ZNRF3: variants seen among roughly 807,000 people sequenced by gnomAD.
ZNRF3 encodes zinc and ring finger 3.
ZNRF3 carries 23 observed loss-of-function variants against 72.5 expected under a neutral mutation model. The ratio of observed to expected loss-of-function variants is 0.32; its 90% CI spans 0.23 to 0.45. The LOEUF is 0.45. Among genes scored for constraint, ZNRF3 ranks in the 20% least tolerant of loss-of-function variants. The pLI, the probability that ZNRF3 is intolerant of heterozygous loss-of-function variation, is 1.00. For missense variants in ZNRF3, 1,169 were observed against 1,272.1 expected (o/e 0.92, Z 1.23); for synonymous variants, 610 against 545.3 (o/e 1.12, Z -1.65).
At chr22:28,991,190 G>A (rs1247522598) in intron 2 of ZNRF3, among the ~76,000 whole-genome samples, 1 of 150,828 alleles carries the variant, frequency 6.6e-6, no homozygotes, top group African/African-American at 2.5e-5. Flanking sequence ...GCTGAGGTGG[G>A]AGGATTGCTT....
intron 1 of ZNRF3, among the ~76,000 whole-genome samples, chr22:28,947,868 T>G (rs2035081340): frequency 6.6e-6 from 1 of 152,158 alleles, no homozygotes; most frequent in Non-Finnish European, 1.5e-5. Flanking sequence ...TTTTTTGAGA[T>G]GGAGTATTGC....
intron 1 of ZNRF3, among the ~76,000 whole-genome samples, chr22:28,913,621 T>A (rs1205426660): frequency 6.6e-6 from 1 of 152,188 alleles, no homozygotes; most frequent in Non-Finnish European, 1.5e-5. Context: ...CTTAGATTTG[T>A]GGTCTTCTCT....
At chr22:28,955,032 G>T (rs1601598726) in intron 1 of ZNRF3, among the ~76,000 whole-genome samples, 6 of 137,170 alleles carry the variant, frequency 4.4e-5, no homozygotes, top group Non-Finnish European at 6.1e-5. Flanking sequence ...TATTTTTGGT[G>T]TTTTTTTTTT....
At chr22:28,972,472 C>G (rs530502405) in intron 1 of ZNRF3, among the ~76,000 whole-genome samples, 173 of 152,300 alleles carry the variant, frequency 1.1e-3, no homozygotes, top group African/African-American at 3.9e-3. Flanking sequence ...AATAATATTC[C>G]GTGGTGTGGG....
At chr22:28,987,592 G>T (rs1400922964) in intron 2 of ZNRF3, among the ~76,000 whole-genome samples, 1 of 151,970 alleles carries the variant, frequency 6.6e-6, no homozygotes, top group Non-Finnish European at 1.5e-5. Context: ...GCATTAAGGG[G>T]TATAGATTTT....
chr22:29,031,661 C>G (rs958827413), intron 2 of ZNRF3: 12 of 982,870 alleles, frequency 1.2e-5, no homozygotes, highest in Non-Finnish European at 1.4e-5. Flanking sequence ...TTAGTGGCCT[C>G]CAGAGGGAGG....
At chr22:28,899,693 CTTTT>C (rs1299023459) in intron 1 of ZNRF3, among the ~76,000 whole-genome samples, 4 of 132,764 alleles carry the variant, frequency 3.0e-5, no homozygotes, top group Non-Finnish European at 6.2e-5. Flanking sequence ...TTCTTTCTTT[CTTTT>C]TTTTTTTTTT....
chr22:29,021,233 AAAAAAAAT>A (rs1403333941), intron 2 of ZNRF3, among the ~76,000 whole-genome samples: 2 of 151,444 alleles, frequency 1.3e-5, no homozygotes, highest in African/African-American at 2.4e-5. Context: ...ACTCTGTCTC[AAAAAAAAT>A]AAATAAATAA....
intron 4 of ZNRF3, among the ~76,000 whole-genome samples, chr22:29,044,461 T>C (rs765287973): frequency 3.3e-5 from 5 of 152,248 alleles, no homozygotes; most frequent in African/African-American, 4.8e-5. Flanking sequence ...TGATTATTTG[T>C]GTTGATTTGG....
intron 1 of ZNRF3, among the ~76,000 whole-genome samples, chr22:28,934,714 A>G (rs2034788137): frequency 6.6e-6 from 1 of 150,722 alleles, no homozygotes. Flanking sequence ...GCTACTCCAG[A>G]GGCTGAAGCA....
intron 1 of ZNRF3, among the ~76,000 whole-genome samples, chr22:28,901,872 A>G (rs371390172): frequency 4.7e-4 from 70 of 147,696 alleles, no homozygotes; most frequent in African/African-American, 1.6e-3. Flanking sequence ...TAGGCGTTTT[A>G]TGGTGCAGAA....
At chr22:28,952,077 C>G (rs1483386381) in intron 1 of ZNRF3, among the ~76,000 whole-genome samples, 1 of 152,210 alleles carries the variant, frequency 6.6e-6, no homozygotes, top group East Asian at 1.9e-4. Context: ...CTGCGGGTTC[C>G]CAGCTGACCG....
intron 2 of ZNRF3, among the ~76,000 whole-genome samples, chr22:28,994,172 C>CTTTTTTTTTTTTTTTTTT (rs1569274128): frequency 2.5e-5 from 2 of 78,766 alleles, no homozygotes; most frequent in African/African-American, 1.1e-4. Flanking sequence ...CCTTCAGTTC[C>CTTTTTTTTTTTTTTTTTT]TTTCTTTTTT....
chr22:29,022,763 ATACTT>A (rs1198541982), intron 2 of ZNRF3, among the ~76,000 whole-genome samples: 1 of 152,224 alleles, frequency 6.6e-6, no homozygotes, highest in African/African-American at 2.4e-5. Context: ...ATATTTGAAA[ATACTT>A]TAATTTACCC....
chr22:29,033,350 C>CAAAAA (rs60310622), intron 2 of ZNRF3, among the ~76,000 whole-genome samples: 6 of 66,134 alleles, frequency 9.1e-5, no homozygotes, highest in African/African-American at 2.5e-4. Flanking sequence ...GACTCCATCT[C>CAAAAA]AAAAAAAAAA....
At position 29,018,964 on chromosome 22, in the gene ZNRF3, G is replaced by A. The variant is rs117513350; in HGVS notation, c.427-23531G>A. Among the ~76,000 whole-genome samples, 63 of 151,214 alleles carry A rather than the reference G, an allele frequency of 4.2e-4. 1 individual carries two copies. The East Asian group carries it at 0.011, about 27-fold the overall frequency. On this transcript the variant is annotated intron_variant, in intron 2 of 8. Transcript: ENST00000544604. ...CTTGGCTGATCTCTGTGGTCAGCTAGTGGTTCCTCTGGGACTGAGTGATCT... is the reference window on the plus strand; with the variant it reads ...CTTGGCTGATCTCTGTGGTCAGCTAATGGTTCCTCTGGGACTGAGTGATCT...
intron 1 of ZNRF3, among the ~76,000 whole-genome samples, chr22:28,973,759 T>G (rs1569266756): frequency 6.6e-6 from 1 of 151,852 alleles, no homozygotes; most frequent in East Asian, 1.9e-4. Context: ...GAAAGAAATT[T>G]AAAAAAAAGA....
At chr22:28,899,437 C>A (rs1466002638) in intron 1 of ZNRF3, among the ~76,000 whole-genome samples, 1 of 152,174 alleles carries the variant, frequency 6.6e-6, no homozygotes, top group East Asian at 1.9e-4. Flanking sequence ...AGAGTTGGCA[C>A]ACGTCTCAGC....
intron 1 of ZNRF3, among the ~76,000 whole-genome samples, chr22:28,912,814 A>G (rs980234361): frequency 5.9e-5 from 9 of 151,860 alleles, no homozygotes; most frequent in African/African-American, 2.2e-4. Context: ...ACAGGCGCCC[A>G]CCACCACACC....
Sources: gnomAD v4.1 joint callset for allele counts (sites outside exome capture counted in the v4.1 genomes callset) on GRCh38, gnomAD v4.1.1 for gene constraint, MANE v1.5 for transcripts, NCBI Gene and HGNC (gene_info 2026-07-23, HGNC 2026-07-21) for gene names.